Variants in PINX1 observed in about 807,000 individuals in gnomAD.
The protein encoded by PINX1 is PIN2 (TERF1) interacting telomerase inhibitor 1, also known as PIN2/TERF1-interacting telomerase inhibitor 1.
Under a neutral mutation model 25.4 loss-of-function variants are expected in PINX1, and 34 were observed. The observed-to-expected ratio is 1.34, with a 90% CI of 1.02 to 1.78. The LOEUF (loss-of-function observed/expected upper bound fraction) is 1.78, where lower values mean the gene tolerates loss of function less well. Among genes scored for constraint, PINX1 ranks in the 40% most tolerant of loss-of-function variants. The pLI is 0.00. For missense variants in PINX1, 592 were observed against 404.9 expected, an observed-to-expected ratio of 1.46 and a Z score of -3.97; for synonymous variants, 197 against 147.7, an observed-to-expected ratio of 1.33 and a Z score of -2.42.
At chr8:10,836,645 T>A (rs1004114315) in intron 1 of PINX1, among the ~76,000 whole-genome samples, 6 of 131,790 alleles carry the variant, frequency 4.6e-5, no homozygotes, top group African/African-American at 1.7e-4. Context: ...GCAGTTAGCT[T>A]CAATCAATGG....
intron 6 of PINX1, among the ~76,000 whole-genome samples, chr8:10,799,695 C>A (rs1802204487): frequency 6.6e-6 from 1 of 152,186 alleles, no homozygotes; most frequent in Non-Finnish European, 1.5e-5. Context: ...TAGACAGAAC[C>A]ACAATCCCTG....
Position 10,765,934 on chromosome 8 carries a change from G to A in PINX1, c.472-18C>T, listed in dbSNP as rs367856786. On this transcript the variant is annotated intron_variant, in intron 6 of 6. Coordinates refer to ENST00000314787, the MANE Select transcript of PINX1 (RefSeq NM_017884.6). ...GCATCGCCCTATGGTGGGCAGAAGA[G>A]TTAAAAGGCAGGTAAGCATCAACTG... The A allele has an allele frequency of 1.9e-6, 3 of 1,608,364 alleles. No individual in the cohort carries two copies. The highest frequency in any genetic ancestry group is 2.2e-5 in the East Asian group (1 of 44,816).
At position 10,799,908 on chromosome 8, in the gene PINX1, G is replaced by A. The variant is rs577861453; in HGVS notation, c.471+20285C>T. ...ATGTTCTCAACCACGGTCTGAGTTA[G>A]TCCTTACTGGGCTATTTGTCATTCC... is the stretch of plus-strand genomic sequence containing the variant. On this transcript the variant is annotated intron_variant, in intron 6 of 6. Transcript: ENST00000314787. Among the ~76,000 whole-genome samples, 6 of 152,278 alleles carry A rather than the reference G, an allele frequency of 3.9e-5. No individual in the cohort carries two copies. The East Asian group carries it at 1.2e-3, about 29-fold the overall frequency.
chr8:10,838,066 T>A (rs762693372), intron 1 of PINX1, among the ~76,000 whole-genome samples: 2 of 152,212 alleles, frequency 1.3e-5, no homozygotes, highest in Non-Finnish European at 2.9e-5. Flanking sequence ...CCTAACCAAG[T>A]TGTCGCTGTA....
intron 1 of PINX1, among the ~76,000 whole-genome samples, chr8:10,838,375 CT>C (rs1798469040): frequency 1.3e-5 from 2 of 152,226 alleles, no homozygotes; most frequent in Admixed American, 1.3e-4. Context: ...TGAAAACACT[CT>C]CTTGAAATCA....
intron 6 of PINX1, among the ~76,000 whole-genome samples, chr8:10,789,728 T>C (rs1801863774): frequency 6.6e-6 from 1 of 152,174 alleles, no homozygotes; most frequent in Non-Finnish European, 1.5e-5. Flanking sequence ...TTCAGTATTG[T>C]CCGTATCCGA....
chr8:10,822,210 A>C (rs1797899804), intron 5 of PINX1: 1 of 152,228 alleles, frequency 6.6e-6, no homozygotes, highest in Non-Finnish European at 1.5e-5. Context: ...TGAAGATGGA[A>C]GTGACCTTGA....
intron 6 of PINX1, among the ~76,000 whole-genome samples, chr8:10,789,931 A>G (rs1255234671): frequency 1.3e-5 from 2 of 152,204 alleles, no homozygotes; most frequent in Non-Finnish European, 2.9e-5. Flanking sequence ...ATAATTTAAA[A>G]ATATTTGAAA....
chr8:10,835,870 T>A (rs191401419), intron 1 of PINX1, among the ~76,000 whole-genome samples: 8 of 152,314 alleles, frequency 5.3e-5, no homozygotes, highest in Admixed American at 2.6e-4. Flanking sequence ...CAACTTTTTT[T>A]AATGCATATA....
chr8:10,804,511 C>A (rs566072562), intron 6 of PINX1, among the ~76,000 whole-genome samples: 1 of 152,116 alleles, frequency 6.6e-6, no homozygotes, highest in Non-Finnish European at 1.5e-5. Context: ...ATCTGTCATA[C>A]GCTGGGCACT....
intron 6 of PINX1, among the ~76,000 whole-genome samples, chr8:10,784,658 G>A (rs1426602549): frequency 5.9e-5 from 9 of 152,262 alleles, no homozygotes; most frequent in African/African-American, 2.2e-4. Context: ...AAAGCTATTT[G>A]GAGTTCAGGC....
chr8:10,828,982 T>C (rs529493630), intron 4 of PINX1, among the ~76,000 whole-genome samples: 1 of 152,282 alleles, frequency 6.6e-6, no homozygotes, highest in South Asian at 2.1e-4. Flanking sequence ...GCTAATTTTA[T>C]TCACTGTGAT....
intron 6 of PINX1, among the ~76,000 whole-genome samples, chr8:10,776,757 C>G (rs187644038): frequency 6.6e-6 from 1 of 152,150 alleles, no homozygotes; most frequent in Non-Finnish European, 1.5e-5. Context: ...GCTGCCCAGA[C>G]CTGTCACCAG....
At chr8:10,775,537 T>G (rs1801365848) in intron 6 of PINX1, among the ~76,000 whole-genome samples, 2 of 150,812 alleles carry the variant, frequency 1.3e-5, no homozygotes, top group African/African-American at 2.4e-5. Flanking sequence ...AAAAGACATC[T>G]AAAACCCAAG....
chr8:10,811,463 C>G (rs1797519666), intron 6 of PINX1, among the ~76,000 whole-genome samples: 1 of 152,144 alleles, frequency 6.6e-6, no homozygotes, highest in South Asian at 2.1e-4. Flanking sequence ...CTAAGACAGC[C>G]ATTTCATTTA....
chr8:10,839,815 G>T lies in PINX1; in HGVS notation c.-59C>A. 6.5e-7 allele frequency: 1 copy of T among 1,539,476 alleles called. No homozygotes were observed. The highest frequency in any genetic ancestry group is 8.9e-7 in the Non-Finnish European group (1 of 1,128,216). ...CTGGGTGACTGCGGCCACTGGGCGG[G>T]CTGGAGACTCCAGGAGAATCAGGAC... On this transcript the variant is annotated 5_prime_UTR_variant, in exon 1 of 7. Coordinates refer to ENST00000314787, the MANE Select transcript of PINX1 (RefSeq NM_017884.6).
chr8:10,765,321 G>T lies in PINX1; in HGVS notation c.*80C>A. On this transcript the variant is annotated 3_prime_UTR_variant, in exon 7 of 7. Coordinates refer to ENST00000314787, the MANE Select transcript of PINX1 (RefSeq NM_017884.6). Reference sequence around the variant, plus strand: ...GCCCAGGCGCTCTGGGGTGAACTCTGCTGTGACTTCAGGCCAGAGGTGTCT... The same window carrying T: ...GCCCAGGCGCTCTGGGGTGAACTCTTCTGTGACTTCAGGCCAGAGGTGTCT... 1.5e-6 allele frequency: 2 copies of T among 1,348,610 alleles called. No individual in the cohort carries two copies. The highest frequency in any genetic ancestry group is 2.4e-5 in the East Asian group (1 of 40,974). The allele number at this position is 1,348,610 out of a possible 1,614,324, so 83.5% of individuals were successfully genotyped here. A position where few individuals can be genotyped will look rare whatever the true frequency, so the allele number is the denominator to read the frequency against.
chr8:10,781,763 GA>G (rs34355014), intron 6 of PINX1, among the ~76,000 whole-genome samples: 93,510 of 151,998 alleles, frequency 0.62, 29,868 homozygotes, highest in African/African-American at 0.78. Context: ...TACCCTCAAA[GA>G]AAAACAGTGT....
intron 6 of PINX1, among the ~76,000 whole-genome samples, chr8:10,806,217 G>A (rs1802447302): frequency 6.6e-6 from 1 of 152,072 alleles, no homozygotes; most frequent in Admixed American, 6.5e-5. Flanking sequence ...TAGTGCTGAG[G>A]GAGGAGGCAG....
Sources: allele counts gnomAD v4.1 joint callset (sites outside exome capture counted in the v4.1 genomes callset), GRCh38; gene constraint gnomAD v4.1.1; transcripts MANE v1.5; gene names NCBI Gene and HGNC (gene_info 2026-07-23, HGNC 2026-07-21).